DCDC1: variants seen among roughly 807,000 people sequenced by gnomAD.
The protein encoded by DCDC1 is doublecortin domain-containing protein 1.
Under a neutral mutation model 178.3 loss-of-function variants are expected in DCDC1, and 200 were observed. That is an observed-to-expected ratio of 1.12 (90% confidence interval 1.00 to 1.26). DCDC1 has a LOEUF of 1.26. Ranked by LOEUF, DCDC1 falls within the 50% of genes most tolerant of loss-of-function variation. The pLI is 0.00. For missense variants in DCDC1, 1,983 were observed against 1,749.2 expected (o/e 1.13, Z -2.38); for synonymous variants, 690 against 604.8 (o/e 1.14, Z -2.07).
intron 27 of DCDC1, among the ~76,000 whole-genome samples, chr11:30,913,068 C>A (rs1321909747): frequency 1.3e-5 from 2 of 152,188 alleles, no homozygotes; most frequent in Non-Finnish European, 2.9e-5. Flanking sequence ...TACAAACACA[C>A]TTCTGCCATG....
intron 9 of DCDC1, among the ~76,000 whole-genome samples, chr11:31,155,501 T>G (rs1303653312): frequency 6.6e-6 from 1 of 152,224 alleles, no homozygotes; most frequent in African/African-American, 2.4e-5. Flanking sequence ...TGAATTCTTT[T>G]TATGTCACAT....
In DCDC1 at chr11:30,906,627, A is replaced by C; in HGVS notation, c.4017T>G (p.Leu1339=). Residue 1339 remains leucine, a synonymous_variant, in exon 30 of 39, where the codon CTT becomes CTG. Coordinates refer to ENST00000684477, the MANE Select transcript of DCDC1 (RefSeq NM_001387274.1). ...AAATACAGAGGAATGGAACCCCTGG[A>C]AGCAATTGTTTCAGTCCTTTCTCTG... ...MRTEKGLKQL[L]PGVPFLCISG... 6.2e-7 allele frequency: 1 copy of C among 1,613,590 alleles called. No individual in the cohort carries two copies. Among genetic ancestry groups the C allele is most frequent in the Non-Finnish European group, 8.5e-7 (1 of 1,179,718 alleles).
intron 8 of DCDC1, among the ~76,000 whole-genome samples, chr11:31,247,923 T>C (rs892372898): frequency 2.2e-4 from 33 of 152,096 alleles, no homozygotes; most frequent in African/African-American, 7.7e-4. Context: ...TGTAAAATAA[T>C]TGGTTTGGCA....
rs56888014 is a variant in DCDC1 at position 31,153,859 on chromosome 11, GCACA to G, written c.1222-16079_1222-16076del. 2.0e-3 allele frequency among the ~76,000 whole-genome samples: 273 copies of G among 137,976 alleles called. 6 individuals carry two copies. In the East Asian group the frequency reaches 0.027, roughly 13 times the overall value. 90.5% of individuals were successfully genotyped at this position (137,976 alleles called of 152,430 possible). A position where few individuals can be genotyped will look rare whatever the true frequency, so the allele number is the denominator to read the frequency against. On this transcript the variant is annotated intron_variant, in intron 9 of 38. Transcript: ENST00000684477. ...TGCTGTATCATTCACACAGTGTCAT[GCACA>G]CACACACACACACACACACTCTCAC...
chr11:31,065,694 CTAAA>C (rs1956208872), intron 18 of DCDC1, among the ~76,000 whole-genome samples: 1 of 152,080 alleles, frequency 6.6e-6, no homozygotes, highest in Non-Finnish European at 1.5e-5. Context: ...TCATGAATCA[CTAAA>C]TAACAAACAA....
chr11:31,266,750 G>C (rs1360481088), intron 7 of DCDC1, among the ~76,000 whole-genome samples: 1 of 152,088 alleles, frequency 6.6e-6, no homozygotes, highest in African/African-American at 2.4e-5. Flanking sequence ...CCATAATTTA[G>C]TCCTAGCTTA....
intron 38 of DCDC1, among the ~76,000 whole-genome samples, chr11:30,873,360 T>TAGAGAGAGAGAGAGAG (rs1318294592): frequency 1.2e-4 from 16 of 138,658 alleles, no homozygotes; most frequent in African/African-American, 3.8e-4. Flanking sequence ...TATATATATA[T>TAGAGAGAGAGAGAGAG]ATATAGAGAG....
chr11:31,150,338 C>T (rs745752585), intron 9 of DCDC1, among the ~76,000 whole-genome samples: 19 of 152,108 alleles, frequency 1.2e-4, no homozygotes, highest in Non-Finnish European at 2.5e-4. Flanking sequence ...AGAATATCAT[C>T]ATCTATTTAA....
chr11:30,975,031 C>G lies in DCDC1; in HGVS notation c.2592-22463G>C, dbSNP rs183866986. Among the ~76,000 whole-genome samples, 5 of 151,914 alleles carry G rather than the reference C, an allele frequency of 3.3e-5. 1 individual carries two copies. The highest frequency in any genetic ancestry group is 3.3e-4 in the Admixed American group (5 of 15,248). Reference sequence around the variant, plus strand: ...TTAAAAAGATAACACACCACAATCACGTGGGATTTATTTCAGGGATTCAAG... The same window carrying G: ...TTAAAAAGATAACACACCACAATCAGGTGGGATTTATTTCAGGGATTCAAG... On this transcript the variant is annotated intron_variant, in intron 20 of 38. Transcript: ENST00000684477.
chr11:30,992,002 G>A (rs1951016184), intron 20 of DCDC1, among the ~76,000 whole-genome samples: 1 of 152,126 alleles, frequency 6.6e-6, no homozygotes, highest in African/African-American at 2.4e-5. Flanking sequence ...ATGCACTTCT[G>A]TGTTGTTGAG....
At chr11:31,356,247 G>A (rs868067765) in intron 1 of DCDC1, among the ~76,000 whole-genome samples, 1 of 152,158 alleles carries the variant, frequency 6.6e-6, no homozygotes, top group Non-Finnish European at 1.5e-5. Flanking sequence ...TGAAGAAAAT[G>A]TAGCTAAAGA....
intron 9 of DCDC1, among the ~76,000 whole-genome samples, chr11:31,173,110 G>A (rs956671035): frequency 2.2e-4 from 33 of 152,142 alleles, no homozygotes; most frequent in Non-Finnish European, 4.7e-4. Context: ...GAAGGATAGA[G>A]GCTGGTTTAC....
chr11:30,931,734 A>T (rs748640896), intron 22 of DCDC1, 37 bp downstream of exon 22: 4 of 1,564,724 alleles, frequency 2.6e-6, no homozygotes, highest in East Asian at 4.6e-5. Flanking sequence ...TACAAACTAG[A>T]AAGTGTATTT....
intron 8 of DCDC1, among the ~76,000 whole-genome samples, chr11:31,265,034 A>G (rs1165102054): frequency 1.3e-5 from 2 of 152,108 alleles, no homozygotes; most frequent in African/African-American, 2.4e-5. Flanking sequence ...CTTAGTAGAG[A>G]GTAATGGGTT....
chr11:31,090,356 G>A (rs965522047), intron 17 of DCDC1, among the ~76,000 whole-genome samples: 2 of 152,082 alleles, frequency 1.3e-5, no homozygotes, highest in African/African-American at 4.8e-5. Context: ...CTACTTTCAG[G>A]TTATAGGGCC....
intron 9 of DCDC1, among the ~76,000 whole-genome samples, chr11:31,141,353 A>G (rs1014065694): frequency 6.6e-5 from 10 of 152,224 alleles, no homozygotes; most frequent in Admixed American, 3.9e-4. Context: ...GATAGGTACT[A>G]GCCAAAGGTG....
At chr11:31,108,402 A>G (rs1489130709) in intron 12 of DCDC1, among the ~76,000 whole-genome samples, 1 of 152,190 alleles carries the variant, frequency 6.6e-6, no homozygotes, top group Admixed American at 6.5e-5. Flanking sequence ...AAATCTATAG[A>G]TTGTATTTCT....
chr11:30,905,130 A>G lies in DCDC1; in HGVS notation c.4139T>C (p.Leu1380Pro), dbSNP rs1565053985. The G allele has an allele frequency of 1.2e-6, 2 of 1,610,318 alleles. No homozygotes were observed. The highest frequency in any genetic ancestry group is 3.4e-5 in the Admixed American group (2 of 59,316). ...DLSCDKAEKT[L>P]SYYQARLLSL... Reference sequence around the variant, plus strand: ...CAATAGACGTGCTTGGTAGTAACTTAGAGTTTTTTCAGCCTTGTCACACGA... The same window carrying G: ...CAATAGACGTGCTTGGTAGTAACTTGGAGTTTTTTCAGCCTTGTCACACGA... Residue 1380 changes from leucine to proline, a missense_variant, in exon 31 of 39, where the codon CTA (leucine) becomes CCA (proline). Coordinates refer to ENST00000684477, the MANE Select transcript of DCDC1 (RefSeq NM_001387274.1).
rs549133662 is a variant in DCDC1, at chr11:31,035,477, T to G, written c.2591+28992A>C. 7.2e-5 allele frequency among the ~76,000 whole-genome samples: 11 copies of G among 152,342 alleles called. No individual in the cohort carries two copies. The East Asian group carries it at 1.9e-3, about 27-fold the overall frequency. On this transcript the variant is annotated intron_variant, in intron 20 of 38. Transcript: ENST00000684477. ...TTGAAGAAAACTAATCAGTAACATA[T>G]CCCTTACTTTTGACTTGTCTAATGT...
Sources: allele counts gnomAD v4.1 joint callset (sites outside exome capture counted in the v4.1 genomes callset), GRCh38; gene constraint gnomAD v4.1.1; transcripts MANE v1.5; gene names NCBI Gene and HGNC (gene_info 2026-07-23, HGNC 2026-07-21).